The following KIRREL3 variants were observed in gnomAD, a reference collection of about 807,000 sequenced individuals.
KIRREL3 encodes the protein kirre like nephrin family adhesion molecule 3.
In KIRREL3, 36 loss-of-function variants were observed where a neutral mutation model predicts 89.7. That is an observed-to-expected ratio of 0.40 (90% CI 0.31 to 0.53). The LOEUF (loss-of-function observed/expected upper bound fraction) is 0.53, where lower values mean the gene tolerates loss of function less well. KIRREL3 is among the 20% of genes least tolerant of loss of function. KIRREL3 has a pLI of 0.49. For missense variants in KIRREL3, 864 were observed against 1,056.6 expected (o/e 0.82, Z 2.53); for synonymous variants, 445 against 441.4 (o/e 1.01, Z -0.10).
At chr11:126,926,302 A>C (rs1383832006) in intron 1 of KIRREL3, among the ~76,000 whole-genome samples, 1 of 152,228 alleles carries the variant, frequency 6.6e-6, no homozygotes, top group Non-Finnish European at 1.5e-5. Flanking sequence ...ATGGGAAAAG[A>C]GGATCTAGCC....
chr11:126,973,654 G>A (rs1356669327), intron 1 of KIRREL3, among the ~76,000 whole-genome samples: 1 of 152,168 alleles, frequency 6.6e-6, no homozygotes, highest in Non-Finnish European at 1.5e-5. Context: ...ACAAGTTTGT[G>A]ATCTTGGGCA....
At chr11:126,503,257 C>G (rs1385039520) in intron 4 of KIRREL3, among the ~76,000 whole-genome samples, 1 of 152,112 alleles carries the variant, frequency 6.6e-6, no homozygotes, top group Non-Finnish European at 1.5e-5. Flanking sequence ...GCCTGTGGAT[C>G]CTGGGTGGAC....
At chr11:126,785,748 C>A (rs1243775885) in intron 1 of KIRREL3, among the ~76,000 whole-genome samples, 5 of 151,980 alleles carry the variant, frequency 3.3e-5, no homozygotes, top group Non-Finnish European at 5.9e-5. Context: ...GTGGTGCGCA[C>A]CTGTAGTCCC....
intron 1 of KIRREL3, among the ~76,000 whole-genome samples, chr11:126,865,747 G>A (rs1317356929): frequency 6.6e-6 from 1 of 152,196 alleles, no homozygotes; most frequent in Non-Finnish European, 1.5e-5. Flanking sequence ...TTGGGTGGAA[G>A]AAAAATGCAC....
Position 126,431,109 on chromosome 11 carries a change from C to T in KIRREL3, c.1696+310G>A, listed in dbSNP as rs757803791. On this transcript the variant is annotated intron_variant, in intron 14 of 16. Transcript: ENST00000525144. The surrounding 1 kb of genome is among the most constrained non-coding windows in gnomAD (Gnocchi z 7.1). ...GTAGAGCAAGGATCAAACCACAAAC[C>T]GCTTTTCCCCCTATCTTTCTGTACA... 4.8e-5 allele frequency: 67 copies of T among 1,404,408 alleles called. No homozygotes were observed. The highest frequency in any genetic ancestry group is 3.2e-4 in the South Asian group (19 of 60,086). The allele number at this position is 1,404,408 out of a possible 1,614,324, so 87.0% of individuals were successfully genotyped here.
intron 1 of KIRREL3, among the ~76,000 whole-genome samples, chr11:126,701,417 C>T (rs1947309662): frequency 6.6e-6 from 1 of 151,956 alleles, no homozygotes; most frequent in Admixed American, 6.6e-5. Context: ...AAAAGGACAT[C>T]TAAGAGGGAC....
At position 126,526,614 on chromosome 11, in the gene KIRREL3, G is replaced by A. The variant is rs371273662; in HGVS notation, c.207C>T (p.Cys69=). The A allele has an allele frequency of 6.7e-5, 107 of 1,604,204 alleles. No homozygotes were observed. Among genetic ancestry groups the A allele is most frequent in the East Asian group, 2.0e-4 (9 of 44,396 alleles). The change falls in exon 3 of 17, where the codon TGC becomes TGT. Residue 69 remains cysteine (C), a synonymous_variant. Coordinates refer to ENST00000525144, the MANE Select transcript of KIRREL3 (RefSeq NM_032531.4). The surrounding 1 kb of genome is among the most constrained non-coding windows in gnomAD (Gnocchi z 5.7). Reference sequence around the variant, plus strand: ...CGAAGCCATCGTATTCGGGGATGGCGCAAAGTAGCGTCACTGGCTGTCCCG... The same window carrying A: ...CGAAGCCATCGTATTCGGGGATGGCACAAAGTAGCGTCACTGGCTGTCCCG... The part of the protein sequence containing the change: ...VVSGQPVTLL[C]AIPEYDGFVL...
rs1958565514 is a variant in KIRREL3 at position 126,520,912 on chromosome 11, T to G, written c.433+403A>C. Among the ~76,000 whole-genome samples, 1 of 152,060 alleles carries G rather than the reference T, an allele frequency of 6.6e-6. No individual in the cohort carries two copies. Among genetic ancestry groups the G allele is most frequent in the Non-Finnish European group, 1.5e-5 (1 of 67,986 alleles). ...AGAAGGTGGAAAGATAGGGCTTTGT[T>G]AGCACCGGAGTGGGGGTCAGTTCAG... On this transcript the variant is annotated intron_variant, in intron 4 of 16. Coordinates refer to ENST00000525144, the MANE Select transcript of KIRREL3 (RefSeq NM_032531.4). This position sits in a 1 kb window ranked among gnomAD's most constrained non-coding sequence, Gnocchi z 4.9.
At chr11:126,851,448 T>C (rs1416454097) in intron 1 of KIRREL3, among the ~76,000 whole-genome samples, 1 of 152,238 alleles carries the variant, frequency 6.6e-6, no homozygotes, top group Non-Finnish European at 1.5e-5. Flanking sequence ...TGTGCAAATA[T>C]TTACATGTAA....
intron 1 of KIRREL3, among the ~76,000 whole-genome samples, chr11:126,598,779 C>CT (rs1942512745): frequency 6.6e-6 from 1 of 152,216 alleles, no homozygotes; most frequent in South Asian, 2.1e-4. Flanking sequence ...GGGCAAGTCA[C>CT]TTAATTTTTC....
intron 1 of KIRREL3, among the ~76,000 whole-genome samples, chr11:126,831,130 G>T (rs996941426): frequency 2.6e-5 from 4 of 152,246 alleles, no homozygotes; most frequent in Non-Finnish European, 2.9e-5. Flanking sequence ...TATAAAACAG[G>T]GACAGTGATA....
chr11:126,536,543 G>A (rs1937894801), intron 2 of KIRREL3, among the ~76,000 whole-genome samples: 1 of 151,890 alleles, frequency 6.6e-6, no homozygotes, highest in Non-Finnish European at 1.5e-5. Context: ...ATTTGGGATG[G>A]TTGTGTAACA....
At chr11:126,621,975 G>C (rs1399030137) in intron 1 of KIRREL3, among the ~76,000 whole-genome samples, 1 of 152,134 alleles carries the variant, frequency 6.6e-6, no homozygotes, top group Non-Finnish European at 1.5e-5. Flanking sequence ...GGGAGTCTGG[G>C]GGTGGGGAAG....
chr11:126,790,250 TG>T (rs1479561139), intron 1 of KIRREL3, among the ~76,000 whole-genome samples: 1 of 152,238 alleles, frequency 6.6e-6, no homozygotes, highest in Non-Finnish European at 1.5e-5. Flanking sequence ...AAGCATTCAT[TG>T]ACTGATTAGA....
At chr11:126,447,995 AAG>A (rs1483151479) in intron 8 of KIRREL3, among the ~76,000 whole-genome samples, 2 of 152,154 alleles carry the variant, frequency 1.3e-5, no homozygotes, top group Non-Finnish European at 2.9e-5. Flanking sequence ...TCCAGTGAAT[AAG>A]AGGGGATGGG....
intron 1 of KIRREL3, among the ~76,000 whole-genome samples, chr11:126,821,123 G>C (rs1376013224): frequency 1.3e-5 from 2 of 151,860 alleles, no homozygotes; most frequent in East Asian, 3.9e-4. Flanking sequence ...TTCATTATCA[G>C]AAGGCTTTAG....
At chr11:126,899,971 C>T (rs1443727809) in intron 1 of KIRREL3, among the ~76,000 whole-genome samples, 7 of 152,268 alleles carry the variant, frequency 4.6e-5, no homozygotes, top group Middle Eastern at 3.4e-3. Flanking sequence ...AAGCCAAAAC[C>T]GCTCTTTAGT....
intron 1 of KIRREL3, among the ~76,000 whole-genome samples, chr11:126,923,384 T>C (rs1235041839): frequency 0.037 from 10 of 270 alleles, no homozygotes; most frequent in African/African-American, 0.2. Flanking sequence ...TTCCTTCTTC[T>C]TCTTCCTCTT....
Position 126,697,784 on chromosome 11 carries a change from T to C in KIRREL3, c.56-134872A>G, listed in dbSNP as rs948949491. ...GATTGCTCTGATCACCTCCCTATTA[T>C]TGGATATTAATCAAGTCCTACTCAG... On this transcript the variant is annotated intron_variant, in intron 1 of 16. Coordinates refer to ENST00000525144, the MANE Select transcript of KIRREL3 (RefSeq NM_032531.4). This position sits in a 1 kb window ranked among gnomAD's most constrained non-coding sequence, Gnocchi z 4.2. Among the ~76,000 whole-genome samples the C allele has an allele frequency of 2.0e-5, 3 of 152,198 alleles. No individual in the cohort carries two copies. Among genetic ancestry groups the C allele is most frequent in the Non-Finnish European group, 2.9e-5 (2 of 68,028 alleles).
Sources: gnomAD v4.1 joint callset for allele counts (sites outside exome capture counted in the v4.1 genomes callset) on GRCh38, gnomAD v4.1.1 for gene constraint, Gnocchi (gnomAD v3.1) non-coding constraint, MANE v1.5 for transcripts, NCBI Gene and HGNC (gene_info 2026-07-23, HGNC 2026-07-21) for gene names.